SAMMSON: variants seen among roughly 807,000 people sequenced by gnomAD.
SAMMSON encodes the protein survival associated mitochondrial melanoma specific oncogenic non-coding RNA, also known as long intergenic non-protein coding RNA 1212.
chr3:70,021,456 C>A (rs1245198074), intron 3 of SAMMSON, among the ~76,000 whole-genome samples: 1 of 152,148 alleles, frequency 6.6e-6, no homozygotes. Flanking sequence ...AATAAAACAT[C>A]TGTGGCAAAA....
chr3:70,123,986 C>T (rs2067445445), intron 4 of SAMMSON, among the ~76,000 whole-genome samples: 1 of 152,216 alleles, frequency 6.6e-6, no homozygotes, highest in Non-Finnish European at 1.5e-5. Context: ...ATGTTGTTGC[C>T]TCTGAACAGA....
intron 3 of SAMMSON, among the ~76,000 whole-genome samples, chr3:70,044,752 A>G (rs1409541084): frequency 6.6e-6 from 1 of 151,370 alleles, no homozygotes; most frequent in Non-Finnish European, 1.5e-5. Context: ...TACTTACAAT[A>G]TATATTACAT....
intron 4 of SAMMSON, among the ~76,000 whole-genome samples, chr3:70,089,364 GGTAAGT>G (rs1202214560): frequency 3.9e-5 from 6 of 152,112 alleles, no homozygotes; most frequent in African/African-American, 1.4e-4. Flanking sequence ...AGTTTTATGA[GGTAAGT>G]GCAATTATTA....
chr3:70,353,778 A>C (rs1051774138), intron 7 of SAMMSON, among the ~76,000 whole-genome samples: 2 of 152,250 alleles, frequency 1.3e-5, no homozygotes, highest in Non-Finnish European at 2.9e-5. Context: ...AAATGTTTAT[A>C]GCAGCTTCAT....
chr3:70,020,225 C>A (rs2067006409), intron 3 of SAMMSON, among the ~76,000 whole-genome samples: 3 of 152,178 alleles, frequency 2.0e-5, no homozygotes, highest in Admixed American at 2.0e-4. Flanking sequence ...TGTTTATTCC[C>A]TTTTATTCTT....
chr3:70,114,043 C>G (rs1016118642), intron 4 of SAMMSON, among the ~76,000 whole-genome samples: 26 of 152,178 alleles, frequency 1.7e-4, no homozygotes, highest in African/African-American at 6.3e-4. Flanking sequence ...GGAGCCTGAG[C>G]TGACTAATGC....
downstream of SAMMSON, among the ~76,000 whole-genome samples, chr3:70,390,087 C>T (rs1192888845): frequency 6.6e-6 from 1 of 151,960 alleles, no homozygotes; most frequent in Non-Finnish European, 1.5e-5. Flanking sequence ...AATTTAAAGA[C>T]AGTACAGACT....
intron 4 of SAMMSON, among the ~76,000 whole-genome samples, chr3:70,202,034 A>G (rs7428830): frequency 0.99 from 150,005 of 152,286 alleles, 73,913 homozygotes; most frequent in East Asian, 1. Flanking sequence ...CTGGCTAACC[A>G]CAGTGACTGT....
chr3:70,248,200 C>T (rs1184356884), intron 4 of SAMMSON, among the ~76,000 whole-genome samples: 1 of 151,942 alleles, frequency 6.6e-6, no homozygotes, highest in Non-Finnish European at 1.5e-5. Flanking sequence ...TAAATAATTG[C>T]AAAGCATTGT....
intron 7 of SAMMSON, among the ~76,000 whole-genome samples, chr3:70,346,366 G>A (rs1467364247): frequency 1.3e-5 from 2 of 148,868 alleles, no homozygotes; most frequent in Non-Finnish European, 3.0e-5. Flanking sequence ...ACCCAACCCA[G>A]GGTCACACAG....
intron 3 of SAMMSON, among the ~76,000 whole-genome samples, chr3:70,029,317 A>G (rs1457542498): frequency 6.6e-6 from 1 of 152,186 alleles, no homozygotes; most frequent in Non-Finnish European, 1.5e-5. Context: ...ATTATGCCTA[A>G]TCTTTGAACA....
intron 9 of SAMMSON, among the ~76,000 whole-genome samples, chr3:70,375,176 G>C (rs895045447): frequency 1.3e-5 from 2 of 152,042 alleles, no homozygotes; most frequent in South Asian, 4.2e-4. Context: ...TTCTATTCTT[G>C]ACTCAATTCA....
intron 4 of SAMMSON, chr3:70,120,740 A>G (rs2067429376): frequency 6.6e-6 from 1 of 152,182 alleles, no homozygotes; most frequent in Non-Finnish European, 1.5e-5. Flanking sequence ...CTTCTCTTGA[A>G]GCTCTCTCAA....
intron 7 of SAMMSON, among the ~76,000 whole-genome samples, chr3:70,337,855 T>C (rs906494903): frequency 3.3e-5 from 5 of 151,920 alleles, no homozygotes; most frequent in Admixed American, 2.6e-4. Flanking sequence ...ACTGATCACA[T>C]TATATGCCAT....
chr3:70,319,289 T>C (rs113969181), intron 7 of SAMMSON, among the ~76,000 whole-genome samples: 18 of 152,212 alleles, frequency 1.2e-4, no homozygotes, highest in African/African-American at 3.9e-4. Context: ...AAAAGGACAG[T>C]GAAGTCGAGA....
intron 7 of SAMMSON, among the ~76,000 whole-genome samples, chr3:70,335,011 G>T (rs1471363140): frequency 6.6e-6 from 1 of 151,010 alleles, no homozygotes; most frequent in Non-Finnish European, 1.5e-5. Context: ...TTTGCTTCCA[G>T]GTTGTCCTGG....
chr3:70,218,388 A>G (rs1040274825), intron 4 of SAMMSON, among the ~76,000 whole-genome samples: 2 of 152,094 alleles, frequency 1.3e-5, no homozygotes, highest in African/African-American at 4.8e-5. Context: ...TCCCTTTTTT[A>G]CTAGTAAAGG....
chr3:70,222,397 A>C (rs1701467862), intron 4 of SAMMSON, among the ~76,000 whole-genome samples: 1 of 152,192 alleles, frequency 6.6e-6, no homozygotes. Flanking sequence ...TGAGTTATAG[A>C]AAACTATACA....
intron 3 of SAMMSON, among the ~76,000 whole-genome samples, chr3:70,046,986 A>G (rs1337978988): frequency 6.6e-6 from 1 of 152,038 alleles, no homozygotes; most frequent in Admixed American, 6.6e-5. Flanking sequence ...AGGTTAATCT[A>G]TGAGCTCAAC....
Sources: gnomAD v4.1 joint callset for allele counts (sites outside exome capture counted in the v4.1 genomes callset) on GRCh38, gnomAD v4.1.1 for gene constraint, MANE v1.5 for transcripts, NCBI Gene and HGNC (gene_info 2026-07-23, HGNC 2026-07-21) for gene names.